The following GNG12 variants were observed in gnomAD, a reference collection of about 807,000 sequenced individuals.
GNG12 encodes guanine nucleotide-binding protein G(I)/G(S)/G(O) subunit gamma-12.
For synonymous variants in GNG12, 28 were observed against 29.7 expected, an observed-to-expected ratio of 0.94 and a Z score of 0.19; for missense variants, 69 against 83.8, an observed-to-expected ratio of 0.82 and a Z score of 0.69.
intron 2 of GNG12, among the ~76,000 whole-genome samples, chr1:67,770,458 T>C (rs1646667415): frequency 4.0e-5 from 6 of 151,830 alleles, no homozygotes; most frequent in Admixed American, 1.3e-4. Context: ...CCTTGCCCCA[T>C]GGTGGAGGGG....
chr1:67,789,762 C>T (rs1646790462), intron 1 of GNG12, among the ~76,000 whole-genome samples: 1 of 152,188 alleles, frequency 6.6e-6, no homozygotes, highest in African/African-American at 2.4e-5. Context: ...TTCCACTCTG[C>T]CAGACCTTTG....
intron 1 of GNG12, among the ~76,000 whole-genome samples, chr1:67,817,296 C>T (rs1443152471): frequency 1.3e-5 from 2 of 152,212 alleles, no homozygotes; most frequent in African/African-American, 4.8e-5. Flanking sequence ...CTCATCTGAG[C>T]ACTTTATGTA....
intron 1 of GNG12, among the ~76,000 whole-genome samples, chr1:67,830,865 C>A (rs1647039859): frequency 6.6e-6 from 1 of 152,152 alleles, no homozygotes; most frequent in Non-Finnish European, 1.5e-5. Flanking sequence ...TGCAATTTAT[C>A]CAGTAGCCTG....
chr1:67,754,754 G>A (rs1646558621), intron 2 of GNG12, among the ~76,000 whole-genome samples: 2 of 152,226 alleles, frequency 1.3e-5, no homozygotes, highest in Admixed American at 1.3e-4. Context: ...GAGCACACTT[G>A]TTGGTCTTCT....
At chr1:67,801,361 A>G (rs184349727) in intron 1 of GNG12, among the ~76,000 whole-genome samples, 3 of 152,346 alleles carry the variant, frequency 2.0e-5, no homozygotes, top group East Asian at 1.9e-4. Context: ...GCTCAGAGAA[A>G]TGAATTATCT....
intron 2 of GNG12, among the ~76,000 whole-genome samples, chr1:67,745,667 C>A (rs1302540467): frequency 6.6e-6 from 1 of 152,182 alleles, no homozygotes; most frequent in Non-Finnish European, 1.5e-5. Context: ...GCAAACAGGG[C>A]TCTCCACAGG....
At position 67,825,728 on chromosome 1, in the gene GNG12, C is replaced by T. The variant is rs1195310827; in HGVS notation, c.-77+7616G>A. Among the ~76,000 whole-genome samples, 12 of 152,320 alleles carry T rather than the reference C, an allele frequency of 7.9e-5. 2 individuals carry two copies. Among genetic ancestry groups the T allele is most frequent in the African/African-American group, 2.2e-4 (9 of 41,582 alleles). ...TCCTGTCCCCAAGGAAAAAGGCCTA[C>T]GGCTGGTCAATAAATAACATGAATC... On this transcript the variant is annotated intron_variant, in intron 1 of 3. Coordinates refer to ENST00000370982, the MANE Select transcript of GNG12 (RefSeq NM_018841.6).
At chr1:67,715,067 C>T (rs639716) in intron 2 of GNG12, among the ~76,000 whole-genome samples, 1,873 of 152,188 alleles carry the variant, frequency 0.012, 43 homozygotes, top group African/African-American at 0.043. Flanking sequence ...TACAGGCACC[C>T]GCCACCACAC....
At position 67,769,842 on chromosome 1, in the gene GNG12, ACT is replaced by A. The variant is rs199699703; in HGVS notation, c.-27+7614_-27+7615del. 2.0e-5 allele frequency among the ~76,000 whole-genome samples: 3 copies of A among 146,984 alleles called. 1 individual carries two copies. Among genetic ancestry groups the A allele is most frequent in the African/African-American group, 7.6e-5 (3 of 39,388 alleles). ...CACACTCACACTCACACTCACTCTC[ACT>A]CTCTCTCTCTCCTGAGATCCCATTA... On this transcript the variant is annotated intron_variant, in intron 2 of 3. Transcript: ENST00000370982.
chr1:67,736,544 G>A (rs907294765), intron 2 of GNG12, among the ~76,000 whole-genome samples: 3 of 152,186 alleles, frequency 2.0e-5, no homozygotes, highest in African/African-American at 4.8e-5. Context: ...GCAGGGATGC[G>A]TGAGTAATGG....
At chr1:67,782,469 T>C (rs972016741) in intron 1 of GNG12, among the ~76,000 whole-genome samples, 2 of 152,164 alleles carry the variant, frequency 1.3e-5, no homozygotes, top group Non-Finnish European at 2.9e-5. Flanking sequence ...ACCTTGGGAC[T>C]GGCTCCTGGC....
chr1:67,824,357 A>G (rs745711257), intron 1 of GNG12, among the ~76,000 whole-genome samples: 3 of 151,950 alleles, frequency 2.0e-5, no homozygotes, highest in Admixed American at 2.0e-4. Flanking sequence ...AAAAAACACA[A>G]AAGTTTGCCA....
chr1:67,809,884 A>G (rs767360774), intron 1 of GNG12, among the ~76,000 whole-genome samples: 10 of 152,346 alleles, frequency 6.6e-5, no homozygotes, highest in Middle Eastern at 3.4e-3. Flanking sequence ...AAAATTAGAC[A>G]TAGTTTTAAC....
intron 1 of GNG12, among the ~76,000 whole-genome samples, chr1:67,789,041 C>A (rs1646785773): frequency 6.6e-6 from 1 of 152,206 alleles, no homozygotes; most frequent in South Asian, 2.1e-4. Context: ...AGAGCTGAGG[C>A]ACACAGTTCT....
At chr1:67,718,043 G>A (rs993133205) in intron 2 of GNG12, among the ~76,000 whole-genome samples, 7 of 152,186 alleles carry the variant, frequency 4.6e-5, no homozygotes, top group Non-Finnish European at 5.9e-5. Flanking sequence ...TGGTCCTCAG[G>A]AAAGGCAGAT....
chr1:67,728,319 A>G (rs1646398890), intron 2 of GNG12, among the ~76,000 whole-genome samples: 1 of 152,230 alleles, frequency 6.6e-6, no homozygotes, highest in Non-Finnish European at 1.5e-5. Context: ...ACTAGAACAC[A>G]GCAGAACTGT....
chr1:67,803,714 T>C (rs892469086), intron 1 of GNG12, among the ~76,000 whole-genome samples: 2 of 152,216 alleles, frequency 1.3e-5, no homozygotes, highest in Admixed American at 6.5e-5. Flanking sequence ...GCATATCCAA[T>C]GTCCCATAAC....
intron 2 of GNG12, among the ~76,000 whole-genome samples, chr1:67,711,448 C>T (rs540716391): frequency 7.3e-5 from 11 of 150,904 alleles, no homozygotes; most frequent in South Asian, 4.2e-4. Flanking sequence ...CAGGGTTTCT[C>T]GGGGGGGTGG....
At chr1:67,770,365 C>A (rs1016020055) in intron 2 of GNG12, among the ~76,000 whole-genome samples, 1 of 152,166 alleles carries the variant, frequency 6.6e-6, no homozygotes, top group African/African-American at 2.4e-5. Context: ...ATATGCATCT[C>A]CCTCAGGAAC....
Sources: gnomAD v4.1 joint callset for allele counts (sites outside exome capture counted in the v4.1 genomes callset) on GRCh38, gnomAD v4.1.1 for gene constraint, MANE v1.5 for transcripts, NCBI Gene and HGNC (gene_info 2026-07-23, HGNC 2026-07-21) for gene names.